Variants in DNAH8 observed in about 807,000 individuals in gnomAD.
DNAH8 encodes the protein dynein axonemal heavy chain 8, also known as axonemal beta dynein heavy chain 8.
Under a neutral mutation model 562.1 loss-of-function variants are expected in DNAH8, and 382 were observed. That is an observed-to-expected ratio of 0.68 (90% confidence interval 0.63 to 0.74). DNAH8 has a LOEUF of 0.74. Among genes scored for constraint, DNAH8 ranks in the 30% least tolerant of loss-of-function variants. DNAH8 has a pLI of 0.00. For missense variants in DNAH8, 5,203 were observed against 5,620.4 expected (o/e 0.93, Z 2.37); for synonymous variants, 1,881 against 1,919.4 (o/e 0.98, Z 0.52).
chr6:38,796,229 G>C (rs1279556853), intron 21 of DNAH8, among the ~76,000 whole-genome samples: 1 of 152,172 alleles, frequency 6.6e-6, no homozygotes, highest in African/African-American at 2.4e-5. Context: ...AGCCAGCCCC[G>C]TGTGCCTTTC....
chr6:38,811,582 T>C (rs1051619570), intron 24 of DNAH8, among the ~76,000 whole-genome samples: 1 of 152,216 alleles, frequency 6.6e-6, no homozygotes, highest in African/African-American at 2.4e-5. Flanking sequence ...TTTAGCAAAT[T>C]TTTTATTTTT....
chr6:38,970,060 C>T (rs968521252), intron 82 of DNAH8, among the ~76,000 whole-genome samples: 24 of 152,098 alleles, frequency 1.6e-4, no homozygotes, highest in African/African-American at 5.6e-4. Context: ...GCCTCTAAAT[C>T]GCCTCTTGAC....
chr6:38,838,602 T>C (rs956819926), intron 33 of DNAH8, among the ~76,000 whole-genome samples: 2 of 152,094 alleles, frequency 1.3e-5, no homozygotes, highest in Non-Finnish European at 2.9e-5. Flanking sequence ...GGTTTCACCA[T>C]GTTAGCCAGG....
chr6:38,934,937 C>G (rs1782831879), intron 76 of DNAH8, among the ~76,000 whole-genome samples: 1 of 152,080 alleles, frequency 6.6e-6, no homozygotes, highest in Admixed American at 6.5e-5. Context: ...ATGAAAGTTC[C>G]TTGTATTAGG....
At position 38,783,088 on chromosome 6, in the gene DNAH8, G is replaced by A. The variant is rs760698318; in HGVS notation, c.2344G>A (p.Glu782Lys). The part of the protein sequence containing the change: ...NKISYVLVEF[E>K]VVYHTAWIRE... ...GATCTCCTATGTGCTGGTGGAATTCGAGGTGGTCTATCACACAGCCTGGAT... is the reference window on the plus strand; with the variant it reads ...GATCTCCTATGTGCTGGTGGAATTCAAGGTGGTCTATCACACAGCCTGGAT... Residue 782 changes from glutamate to lysine, a missense_variant, in exon 17 of 93, where the codon GAG becomes AAG. By Grantham distance (56) the Glu-to-Lys change is moderately conservative. Transcript: ENST00000327475. The A allele has an allele frequency of 9.9e-6, 16 of 1,613,946 alleles. No individual in the cohort carries two copies. The East Asian group carries it at 3.3e-4, about 34-fold the overall frequency.
At position 38,722,702 on chromosome 6, in the gene DNAH8, C is replaced by G. The variant is rs181235403; in HGVS notation, c.-34-74C>G. On this transcript the variant is annotated intron_variant, in intron 1 of 92. Coordinates refer to ENST00000327475, the MANE Select transcript of DNAH8 (RefSeq NM_001206927.2). The stretch of plus-strand genomic sequence containing the variant: ...CTTAATGATTTTGCTACTTGTCTAG[C>G]TAAAAGGGGAGTAATAAAAACGTAC... 155 of 1,244,312 alleles carry G rather than the reference C, an allele frequency of 1.2e-4. No homozygotes were observed. In the African/African-American group the frequency reaches 2.0e-3, roughly 16 times the overall value. 77.1% of individuals were successfully genotyped at this position (1,244,312 alleles called of 1,614,324 possible).
chr6:38,791,779 C>T, intron 21 of DNAH8, 105 bp downstream of exon 21: 5 of 964,924 alleles, frequency 5.2e-6, no homozygotes, highest in African/African-American at 1.8e-5. Flanking sequence ...AGCATTTAGA[C>T]TTTTTTTTTT....
At chr6:38,740,604 CT>C (rs1764447037) in intron 7 of DNAH8, among the ~76,000 whole-genome samples, 1 of 151,736 alleles carries the variant, frequency 6.6e-6, no homozygotes, top group Non-Finnish European at 1.5e-5. Flanking sequence ...TGTCTTTAGT[CT>C]TTTTGTTTTT....
intron 11 of DNAH8, among the ~76,000 whole-genome samples, chr6:38,762,682 G>A (rs557898045): frequency 5.2e-4 from 79 of 152,334 alleles, no homozygotes; most frequent in South Asian, 1.2e-3. Context: ...GCCACAGCAG[G>A]AAGGCTCCAT....
At chr6:39,010,818 C>CGT (rs70984104) in intron 89 of DNAH8, among the ~76,000 whole-genome samples, 17,104 of 106,310 alleles carry the variant, frequency 0.16, 1,104 homozygotes, top group East Asian at 0.39. Flanking sequence ...CACACACACA[C>CGT]ACGTATGTAT....
At chr6:38,839,723 C>G (rs1738196) in intron 33 of DNAH8, among the ~76,000 whole-genome samples, 2 of 151,572 alleles carry the variant, frequency 1.3e-5, no homozygotes, top group African/African-American at 4.9e-5. Context: ...AGTGCAATGA[C>G]ATGATCTCGG....
At chr6:38,824,053 G>A (rs1773105577) in intron 28 of DNAH8, among the ~76,000 whole-genome samples, 1 of 152,158 alleles carries the variant, frequency 6.6e-6, no homozygotes, top group Admixed American at 6.5e-5. Context: ...CTGTAAGGAG[G>A]GGCTTGTATA....
intron 62 of DNAH8, among the ~76,000 whole-genome samples, chr6:38,902,244 T>C (rs73426175): frequency 0.013 from 1,963 of 152,278 alleles, 42 homozygotes; most frequent in African/African-American, 0.044. Context: ...TAGCCAATTC[T>C]TAGAGATTCA....
chr6:38,883,393 T>A lies in DNAH8; in HGVS notation c.8073T>A (p.Asp2691Glu), dbSNP rs750050882. The stretch of plus-strand genomic sequence containing the variant: ...TTAAGGCCTATTTGAAAAAATATGA[T>A]CCTGAAGTACAGCTATCCAAAAGTC... ...VMVKAYLKKYDPEVQLSKSLN... is the reference protein window; with the variant it reads ...VMVKAYLKKYEPEVQLSKSLN... The change falls in exon 55 of 93, where the codon GAT becomes GAA. Residue 2691 changes from aspartate (D) to glutamate (E), a missense_variant. Coordinates refer to ENST00000327475, the MANE Select transcript of DNAH8 (RefSeq NM_001206927.2). The A allele has an allele frequency of 1.2e-6, 2 of 1,613,320 alleles. No homozygotes were observed. Among genetic ancestry groups the A allele is most frequent in the South Asian group, 2.2e-5 (2 of 90,958 alleles).
intron 74 of DNAH8, chr6:38,929,260 C>G: frequency 3.4e-6 from 1 of 294,344 alleles, no homozygotes; most frequent in Non-Finnish European, 6.2e-6. Flanking sequence ...GACATTGCAT[C>G]TGAGCAATGC....
chr6:38,821,198 A>C (rs1170225905), intron 26 of DNAH8, among the ~76,000 whole-genome samples: 3 of 152,214 alleles, frequency 2.0e-5, no homozygotes, highest in Non-Finnish European at 4.4e-5. Context: ...TATATTTCTA[A>C]ATATTAGCAA....
At chr6:38,967,129 T>C (rs1763020473) in intron 82 of DNAH8, among the ~76,000 whole-genome samples, 1 of 152,176 alleles carries the variant, frequency 6.6e-6, no homozygotes, top group Non-Finnish European at 1.5e-5. Flanking sequence ...GGAGGAAATT[T>C]TCTCAACCTG....
At chr6:38,736,840 T>A (rs1764134710) in intron 5 of DNAH8, among the ~76,000 whole-genome samples, 1 of 152,134 alleles carries the variant, frequency 6.6e-6, no homozygotes, top group South Asian at 2.1e-4. Flanking sequence ...AATTAAAGCA[T>A]CAAATGAAAC....
Position 38,947,915 on chromosome 6 carries a change from T to C in DNAH8, c.12130-1537T>C, listed in dbSNP as rs182015000. ...GATACACGCTGCCACGCCCAGCTAA[T>C]TTTTTGTATTTTAGTAGGGACGGAG... is the stretch of plus-strand genomic sequence containing the variant. On this transcript the variant is annotated intron_variant, in intron 80 of 92. Coordinates refer to ENST00000327475, the MANE Select transcript of DNAH8 (RefSeq NM_001206927.2). Among the ~76,000 whole-genome samples, 315 of 152,238 alleles carry C rather than the reference T, an allele frequency of 2.1e-3. 1 individual carries two copies. The highest frequency in any genetic ancestry group is 3.4e-3 in the Middle Eastern group (1 of 294).
Sources: allele counts gnomAD v4.1 joint callset (sites outside exome capture counted in the v4.1 genomes callset), GRCh38; gene constraint gnomAD v4.1.1; transcripts MANE v1.5; gene names NCBI Gene and HGNC (gene_info 2026-07-23, HGNC 2026-07-21).